Variants in FAF1 observed in about 807,000 individuals in gnomAD.
FAF1 encodes the protein FAS-associated factor 1.
FAF1 carries 25 observed loss-of-function variants against 92.5 expected under a neutral mutation model. The observed-to-expected ratio is 0.27, with a 90% CI of 0.20 to 0.38. The LOEUF is 0.38. Among genes scored for constraint, FAF1 ranks in the 10% least tolerant of loss-of-function variants. The pLI, the probability that FAF1 is intolerant of heterozygous loss-of-function variation, is 1.00. For synonymous variants in FAF1, 234 were observed against 273.2 expected (o/e 0.86, Z 1.42); for missense variants, 636 against 793.3 (o/e 0.80, Z 2.38).
intron 8 of FAF1, among the ~76,000 whole-genome samples, chr1:50,638,445 C>CTTTTTTT (rs35054798): frequency 2.9e-4 from 38 of 131,588 alleles, no homozygotes; most frequent in Non-Finnish European, 5.3e-4. Context: ...TTTTCTTTTT[C>CTTTTTTT]TTTTTTTTTT....
At chr1:50,450,193 C>CAA (rs558054363) in intron 18 of FAF1, among the ~76,000 whole-genome samples, 1,617 of 75,890 alleles carry the variant, frequency 0.021, 28 homozygotes, top group African/African-American at 0.061. Flanking sequence ...GACTCCATCT[C>CAA]AAAAAAAAAA....
At chr1:50,750,736 G>A (rs1201295584) in intron 4 of FAF1, among the ~76,000 whole-genome samples, 1 of 148,660 alleles carries the variant, frequency 6.7e-6, no homozygotes, top group Non-Finnish European at 1.5e-5. Context: ...TGATTTTCCT[G>A]CCTCTGCCTC....
chr1:50,862,473 A>C (rs1644444030), intron 1 of FAF1, among the ~76,000 whole-genome samples: 1 of 151,874 alleles, frequency 6.6e-6, no homozygotes, highest in Non-Finnish European at 1.5e-5. Flanking sequence ...TAATGGGTAC[A>C]AAAACACAGT....
chr1:50,885,312 T>TCTCTCTCA (rs906105476), intron 1 of FAF1, among the ~76,000 whole-genome samples: 146 of 137,430 alleles, frequency 1.1e-3, no homozygotes, highest in South Asian at 3.6e-3. Context: ...TCTCTCTCTC[T>TCTCTCTCA]CACACACACA....
chr1:50,473,435 G>A (rs188425878), intron 18 of FAF1, among the ~76,000 whole-genome samples: 1 of 152,288 alleles, frequency 6.6e-6, no homozygotes, highest in Non-Finnish European at 1.5e-5. Context: ...AAAACTAAGG[G>A]TTGGGAAGGG....
chr1:50,924,704 T>C (rs4275494), intron 1 of FAF1, among the ~76,000 whole-genome samples: 152,005 of 152,358 alleles, frequency 1, 75,827 homozygotes, highest in Middle Eastern at 1. Context: ...ATACATAGGC[T>C]AGGCACAGTG....
intron 1 of FAF1, among the ~76,000 whole-genome samples, chr1:50,935,412 C>T (rs1182840618): frequency 2.6e-5 from 4 of 151,956 alleles, no homozygotes; most frequent in South Asian, 2.1e-4. Context: ...ACTCCTGCCT[C>T]GGCCTCCCAA....
intron 1 of FAF1, among the ~76,000 whole-genome samples, chr1:50,910,265 C>T (rs560829765): frequency 6.3e-4 from 96 of 152,288 alleles, no homozygotes; most frequent in African/African-American, 2.2e-3. Context: ...GAGGGGCACC[C>T]GGCTGAATGA....
intron 7 of FAF1, among the ~76,000 whole-genome samples, chr1:50,670,934 A>G (rs938864576): frequency 2.6e-5 from 4 of 152,192 alleles, no homozygotes; most frequent in Non-Finnish European, 4.4e-5. Context: ...CCTCAAATAC[A>G]TAAATAAATA....
chr1:50,451,146 G>A (rs140248614), intron 18 of FAF1, among the ~76,000 whole-genome samples: 2 of 152,308 alleles, frequency 1.3e-5, no homozygotes, highest in African/African-American at 4.8e-5. Flanking sequence ...AAGCATAGGT[G>A]TCGAGGACAT....
chr1:50,729,051 TATATA>T (rs1271049097), intron 6 of FAF1, among the ~76,000 whole-genome samples: 7 of 97,866 alleles, frequency 7.2e-5, no homozygotes, highest in African/African-American at 3.0e-4. Flanking sequence ...TATATATATA[TATATA>T]TATTTTTTTT....
intron 1 of FAF1, among the ~76,000 whole-genome samples, chr1:50,920,065 T>G (rs1020494981): frequency 2.0e-5 from 3 of 151,750 alleles, no homozygotes; most frequent in African/African-American, 7.3e-5. Flanking sequence ...TTTGGGAGGC[T>G]GAGTCAGGTG....
intron 1 of FAF1, among the ~76,000 whole-genome samples, chr1:50,859,133 T>C (rs1644412844): frequency 6.6e-6 from 1 of 151,678 alleles, no homozygotes; most frequent in African/African-American, 2.4e-5. Flanking sequence ...CACAAAATAA[T>C]AAGAGCCTAA....
In FAF1 at chr1:50,655,485, T is replaced by C; in HGVS notation, c.701A>G (p.His234Arg). Residue 234 changes from histidine (H) to arginine (R), a missense_variant, in exon 8 of 19, where the codon CAC becomes CGC. This residue lies in a region of FAF1 where 317 missense variants were observed against 342.4 expected (regional missense o/e 0.93). Coordinates refer to ENST00000396153, the MANE Select transcript of FAF1 (RefSeq NM_007051.3). ...AGTTGGCCAGCCCTCCCATAATTGG[T>C]GGCGAACGGGGATACTTGTAAGGTC... ...VYDLTSIPVR[H>R]QLWEGWPTSA... The C allele has an allele frequency of 6.2e-7, 1 of 1,613,832 alleles. No homozygotes were observed. The highest frequency in any genetic ancestry group is 8.5e-7 in the Non-Finnish European group (1 of 1,179,676).
At chr1:50,860,619 G>A (rs540992171) in intron 1 of FAF1, among the ~76,000 whole-genome samples, 4 of 151,750 alleles carry the variant, frequency 2.6e-5, no homozygotes, top group African/African-American at 9.7e-5. Flanking sequence ...TAGTGAGGCC[G>A]CAGATACAAA....
chr1:50,794,081 CTA>C (rs1405400794), intron 3 of FAF1, among the ~76,000 whole-genome samples: 2 of 152,152 alleles, frequency 1.3e-5, no homozygotes, highest in African/African-American at 4.8e-5. Flanking sequence ...ATAAGGAAAA[CTA>C]AACCTATACT....
intron 1 of FAF1, among the ~76,000 whole-genome samples, chr1:50,938,429 G>T (rs1033830953): frequency 6.6e-5 from 10 of 152,054 alleles, no homozygotes; most frequent in African/African-American, 2.2e-4. Flanking sequence ...ATTAACTCAG[G>T]GTACCCCCAG....
At chr1:50,776,832 C>T (rs527427808) in intron 4 of FAF1, among the ~76,000 whole-genome samples, 4 of 152,166 alleles carry the variant, frequency 2.6e-5, no homozygotes, top group South Asian at 4.1e-4. Context: ...CTAATAAACC[C>T]GAGATGCCTT....
chr1:50,630,069 A>G (rs1399010165), intron 8 of FAF1, among the ~76,000 whole-genome samples: 1 of 151,948 alleles, frequency 6.6e-6, no homozygotes, highest in Non-Finnish European at 1.5e-5. Flanking sequence ...AAAAAAAAAC[A>G]TATCGACGTT....
Sources: gnomAD v4.1 joint callset for allele counts (sites outside exome capture counted in the v4.1 genomes callset) on GRCh38, gnomAD v4.1.1 for gene constraint, gnomAD v4.1.1 regional missense constraint, MANE v1.5 for transcripts, NCBI Gene and HGNC (gene_info 2026-07-23, HGNC 2026-07-21) for gene names.